ACP6: variants seen among roughly 807,000 people sequenced by gnomAD.
ACP6 encodes the protein acid phosphatase 6, lysophosphatidic.
ACP6 carries 48 observed loss-of-function variants against 48.1 expected under a neutral mutation model. The ratio of observed to expected loss-of-function variants is 1.00; its 90% CI spans 0.79 to 1.27. The LOEUF is 1.27. ACP6 is among the 50% of genes most tolerant of loss of function. ACP6 has a pLI of 0.00. For missense variants in ACP6, 485 were observed against 529.1 expected, an observed-to-expected ratio of 0.92 and a Z score of 0.82; for synonymous variants, 172 against 204.2, an observed-to-expected ratio of 0.84 and a Z score of 1.34.
At chr1:147,658,098 C>T (rs1186427444) in intron 4 of ACP6, among the ~76,000 whole-genome samples, 2 of 152,230 alleles carry the variant, frequency 1.3e-5, no homozygotes, top group East Asian at 1.9e-4. Context: ...GACCTAGACA[C>T]GTACTGTTTG....
intron 4 of ACP6, 30 bp from the exon 5 acceptor site, chr1:147,655,278 C>A: frequency 1.3e-6 from 2 of 1,516,186 alleles, no homozygotes; most frequent in African/African-American, 1.4e-5. Flanking sequence ...CACAGGCAGG[C>A]AGAGGCTTCA....
In ACP6 at chr1:147,670,062, C is replaced by A. The variant is rs1553214463; in HGVS notation, c.-14G>T. The A allele has an allele frequency of 6.7e-7, 1 of 1,487,440 alleles. No homozygotes were observed. The highest frequency in any genetic ancestry group is 1.2e-5 in the South Asian group (1 of 80,662). The allele number at this position is 1,487,440 out of a possible 1,614,324, so 92.1% of individuals were successfully genotyped here. ...ACCAGTGATCATGGTGGTAGGCCCT[C>A]GCTGCCCTCCGGGTTGAGGCTGCAG... is the stretch of plus-strand genomic sequence containing the variant. On this transcript the variant is annotated 5_prime_UTR_variant, in exon 1 of 10. Coordinates refer to ENST00000583509, the MANE Select transcript of ACP6 (RefSeq NM_016361.5).
At chr1:147,661,624 A>G (rs1660550132) in intron 1 of ACP6, among the ~76,000 whole-genome samples, 1 of 152,206 alleles carries the variant, frequency 6.6e-6, no homozygotes, top group South Asian at 2.1e-4. Flanking sequence ...TTCTCACTTT[A>G]AATCCAAAGC....
intron 6 of ACP6, among the ~76,000 whole-genome samples, chr1:147,653,011 T>C (rs1660034124): frequency 1.3e-5 from 2 of 152,292 alleles, no homozygotes; most frequent in Admixed American, 1.3e-4. Context: ...GTATTTTTAG[T>C]AGAGACGGGG....
At chr1:147,653,387 C>G (rs1016145944) in intron 6 of ACP6, among the ~76,000 whole-genome samples, 2 of 151,788 alleles carry the variant, frequency 1.3e-5, no homozygotes, top group African/African-American at 2.4e-5. Context: ...CCTCAGCCTC[C>G]CAAAGTGCTG....
intron 1 of ACP6, among the ~76,000 whole-genome samples, chr1:147,667,939 G>A (rs1378627788): frequency 1.3e-5 from 2 of 151,468 alleles, no homozygotes; most frequent in South Asian, 4.2e-4. Context: ...GCGGTGAGCC[G>A]AGATCGCGTC....
At chr1:147,658,864 G>A in intron 4 of ACP6, 96 bp downstream of exon 4, 2 of 1,224,460 alleles carry the variant, frequency 1.6e-6, no homozygotes, top group Admixed American at 2.3e-5. Context: ...GAGAAAAAAA[G>A]TCAAGGGAAC....
In ACP6 at chr1:147,647,419, T is replaced by C. The variant is rs1449679702; in HGVS notation, c.*4A>G. The C allele has an allele frequency of 1.2e-6, 2 of 1,613,886 alleles. No homozygotes were observed. The highest frequency in any genetic ancestry group is 1.7e-5 in the Admixed American group (1 of 59,972). On this transcript the variant is annotated 3_prime_UTR_variant, in exon 10 of 10. Coordinates refer to ENST00000583509, the MANE Select transcript of ACP6 (RefSeq NM_016361.5). ...AATCAACACATCCTGCTTTTATAAA[T>C]CAGTTACTCTTCATTTCCAACTTCC...
rs1237799176 is a variant in ACP6 at position 147,645,382 on chromosome 1, C to T, written c.*2041G>A. ...GGGATTACAGGCGTGAGCCACCGCG[C>T]CCGGCCTCAAACTGGAAATTCTTGA... On this transcript the variant is annotated 3_prime_UTR_variant, in exon 10 of 10. Transcript: ENST00000583509. 6.6e-6 allele frequency: 1 copy of T among 152,214 alleles called. No individual in the cohort carries two copies. The highest frequency in any genetic ancestry group is 1.5e-5 in the Non-Finnish European group (1 of 68,102). 9.4% of individuals were successfully genotyped at this position (152,214 alleles called of 1,614,324 possible). A position where few individuals can be genotyped will look rare whatever the true frequency, so the allele number is the denominator to read the frequency against.
At chr1:147,635,001 C>T (rs953805869) in intron 5 of ACP6, among the ~76,000 whole-genome samples, 1 of 152,286 alleles carries the variant, frequency 6.6e-6, no homozygotes, top group Admixed American at 6.5e-5. Context: ...ATAATGATTG[C>T]TGCTTTCTTT....
chr1:147,635,518 C>T (rs1488164341), intron 5 of ACP6, among the ~76,000 whole-genome samples: 2 of 152,208 alleles, frequency 1.3e-5, no homozygotes, highest in African/African-American at 4.8e-5. Context: ...CCTTAGCTTC[C>T]TCTTCCTGTC....
chr1:147,661,409 C>T (rs931590426), intron 1 of ACP6, among the ~76,000 whole-genome samples: 24 of 151,676 alleles, frequency 1.6e-4, no homozygotes, highest in African/African-American at 4.4e-4. Flanking sequence ...TATTTGGGAG[C>T]GCCACAAACC....
At chr1:147,649,011 T>C (rs1412519801) in intron 8 of ACP6, among the ~76,000 whole-genome samples, 1 of 152,148 alleles carries the variant, frequency 6.6e-6, no homozygotes, top group Non-Finnish European at 1.5e-5. Flanking sequence ...GATCCTGTGG[T>C]GTTCTAAAGA....
At chr1:147,648,929 A>G (rs1659768225) in intron 8 of ACP6, among the ~76,000 whole-genome samples, 1 of 152,182 alleles carries the variant, frequency 6.6e-6, no homozygotes, top group Non-Finnish European at 1.5e-5. Context: ...CATCTGCCTG[A>G]CACCAGTATC....
At position 147,670,203 on chromosome 1, in the gene ACP6, G is replaced by C. The variant is rs1199939270; in HGVS notation, c.-155C>G. 15 of 662,762 alleles carry C rather than the reference G, an allele frequency of 2.3e-5. No homozygotes were observed. The highest frequency in any genetic ancestry group is 4.3e-4 in the Middle Eastern group (1 of 2,330). 41.1% of individuals were successfully genotyped at this position (662,762 alleles called of 1,614,324 possible). On this transcript the variant is annotated 5_prime_UTR_variant, in exon 1 of 10. Transcript: ENST00000583509. Reference sequence around the variant, plus strand: ...GCAAGCAGGGACCGCTGTGCCTCCCGGCCCTGAGGGAGACCCCGAGTGGGA... The same window carrying C: ...GCAAGCAGGGACCGCTGTGCCTCCCCGCCCTGAGGGAGACCCCGAGTGGGA...
rs1659571889 is a variant in ACP6 at position 147,645,029 on chromosome 1, G to A, written c.*2394C>T. 1 of 150,138 alleles carries A rather than the reference G, an allele frequency of 6.7e-6. No homozygotes were observed. Among genetic ancestry groups the A allele is most frequent in the African/African-American group, 2.5e-5 (1 of 40,740 alleles). 9.3% of individuals were successfully genotyped at this position (150,138 alleles called of 1,614,324 possible). ...TTTCTCTCTTGTTGCCCAGGCTGGA[G>A]TGCAATGGCACGATCTTGGCTCAGC... On this transcript the variant is annotated 3_prime_UTR_variant, in exon 10 of 10. Transcript: ENST00000583509.
intron 1 of ACP6, among the ~76,000 whole-genome samples, chr1:147,663,709 C>T (rs1297912378): frequency 6.6e-6 from 1 of 152,132 alleles, no homozygotes; most frequent in Non-Finnish European, 1.5e-5. Flanking sequence ...GCTTCACTGC[C>T]TCTTTCCTCC....
At chr1:147,631,673 G>A (rs1659167026) in intron 5 of ACP6, among the ~76,000 whole-genome samples, 1 of 152,068 alleles carries the variant, frequency 6.6e-6, no homozygotes, top group Non-Finnish European at 1.5e-5. Flanking sequence ...AATTAGCGGG[G>A]CTTGGTGGCA....
chr1:147,652,805 C>A lies in ACP6; in HGVS notation c.781-256G>T, dbSNP rs782502475. Among the ~76,000 whole-genome samples the A allele has an allele frequency of 6.0e-4, 81 of 135,538 alleles. No homozygotes were observed. The highest frequency in any genetic ancestry group is 9.9e-4 in the Non-Finnish European group (63 of 63,854). 88.9% of individuals were successfully genotyped at this position (135,538 alleles called of 152,430 possible). A position where few individuals can be genotyped will look rare whatever the true frequency, so the allele number is the denominator to read the frequency against. ...CCTTTCTGATGACTCCCCATCCACTCAAAAATGAAAAGCATTTTTGTTGTT... is the reference window on the plus strand; with the variant it reads ...CCTTTCTGATGACTCCCCATCCACTAAAAAATGAAAAGCATTTTTGTTGTT... On this transcript the variant is annotated intron_variant, in intron 6 of 9. Coordinates refer to ENST00000583509, the MANE Select transcript of ACP6 (RefSeq NM_016361.5).
Sources: gnomAD v4.1 joint callset for allele counts (sites outside exome capture counted in the v4.1 genomes callset) on GRCh38, gnomAD v4.1.1 for gene constraint, MANE v1.5 for transcripts, NCBI Gene and HGNC (gene_info 2026-07-23, HGNC 2026-07-21) for gene names.